Variants in LAMB1 observed in about 807,000 individuals in gnomAD.
LAMB1 encodes the protein laminin subunit beta-1.
LAMB1 carries 121 observed loss-of-function variants against 222.3 expected under a neutral mutation model. The observed-to-expected ratio is 0.54, with a 90% confidence interval of 0.47 to 0.63. The LOEUF (loss-of-function observed/expected upper bound fraction) is 0.63. Among genes scored for constraint, LAMB1 ranks in the 30% least tolerant of loss-of-function variants. The pLI, the probability that LAMB1 is intolerant of heterozygous loss-of-function variation, is 0.00. For synonymous variants in LAMB1, 794 were observed against 807.2 expected, an observed-to-expected ratio of 0.98 and a Z score of 0.28; for missense variants, 2,172 against 2,240.8, an observed-to-expected ratio of 0.97 and a Z score of 0.62.
At position 107,974,922 on chromosome 7, in the gene LAMB1, G is replaced by C. The variant is rs769948040; in HGVS notation, c.1482+64C>G. On this transcript the variant is annotated intron_variant, in intron 12 of 33. Transcript: ENST00000222399. Reference sequence around the variant, plus strand: ...TCGCAGACTCTACAATGGCGAAAAGGCTTCTCTATTAAAACATGTCATCCT... The same window carrying C: ...TCGCAGACTCTACAATGGCGAAAAGCCTTCTCTATTAAAACATGTCATCCT... The C allele has an allele frequency of 4.3e-6, 4 of 925,898 alleles. No individual in the cohort carries two copies. The East Asian group carries it at 9.6e-5, about 22-fold the overall frequency. 57.4% of individuals were successfully genotyped at this position (925,898 alleles called of 1,614,324 possible).
rs2033270517 is a variant in LAMB1 at position 107,952,171 on chromosome 7, G to T, written c.3132C>A (p.Asp1044Glu). The T allele has an allele frequency of 1.2e-6, 2 of 1,613,516 alleles. No individual in the cohort carries two copies. Among genetic ancestry groups the T allele is most frequent in the East Asian group, 2.2e-5 (1 of 44,872 alleles). ...GACCAGTGGCTTTGTCGCACTGGCA[G>T]TCAGAGCCGTTACAGTGCTCTTGCA... ...GTVQEHCNGSDCQCDKATGQC... is the reference protein window; with the variant it reads ...GTVQEHCNGSECQCDKATGQC... The change falls in exon 23 of 34, where the codon GAC becomes GAA. Residue 1044 changes from aspartate (D) to glutamate (E), a missense_variant. Coordinates refer to ENST00000222399, the MANE Select transcript of LAMB1 (RefSeq NM_002291.3).
Position 107,975,318 on chromosome 7 carries a change from T to G in LAMB1, c.1285A>C (p.Lys429Gln). 1 of 1,614,086 alleles carries G rather than the reference T, an allele frequency of 6.2e-7. No individual in the cohort carries two copies. The highest frequency in any genetic ancestry group is 1.1e-5 in the South Asian group (1 of 91,076). Reference sequence around the variant, plus strand: ...CAATGTTCTCCTTCCACATTTAATTTACACCGACACTGGCCAGCAATGAGA... The same window carrying G: ...CAATGTTCTCCTTCCACATTTAATTGACACCGACACTGGCCAGCAATGAGA... ...TGLIAGQCRC[K>Q]LNVEGEHCDV... is the part of the protein sequence containing the mutation. Residue 429 changes from lysine to glutamine, a missense_variant, in exon 11 of 34, where the codon AAA (lysine) becomes CAA (glutamine). Transcript: ENST00000222399.
intron 31 of LAMB1, among the ~76,000 whole-genome samples, chr7:107,927,589 A>G (rs917453109): frequency 3.9e-5 from 6 of 152,212 alleles, no homozygotes; most frequent in Admixed American, 6.5e-5. Flanking sequence ...AGTGGCTGGG[A>G]CTACAGGCAC....
chr7:107,961,173 T>C, intron 17 of LAMB1, 33 bp downstream of exon 17: 1 of 1,613,644 alleles, frequency 6.2e-7, no homozygotes, highest in Non-Finnish European at 8.5e-7. Context: ...GCCCAGGCTT[T>C]CCTGCATATG....
At position 107,978,068 on chromosome 7, in the gene LAMB1, G is replaced by T; in HGVS notation, c.979C>A (p.Arg327=). 1 of 1,614,036 alleles carries T rather than the reference G, an allele frequency of 6.2e-7. No homozygotes were observed. ...HDLPWRPAEG[R]NSNACKKCNC... is the part of the protein sequence containing the mutation. Reference sequence around the variant, plus strand: ...TTACTTTTACAGGCGTTGCTGTTTCGGCCTTCAGCAGGTCTCCAAGGTAAA... The same window carrying T: ...TTACTTTTACAGGCGTTGCTGTTTCTGCCTTCAGCAGGTCTCCAAGGTAAA... Residue 327 remains arginine (R), a synonymous_variant, in exon 9 of 34, where the codon CGA becomes AGA. Coordinates refer to ENST00000222399, the MANE Select transcript of LAMB1 (RefSeq NM_002291.3).
intron 4 of LAMB1, 114 bp downstream of exon 4, chr7:107,998,243 C>A (rs1371983105): frequency 1.0e-6 from 1 of 986,872 alleles, no homozygotes; most frequent in African/African-American, 1.6e-5. Flanking sequence ...CTGTCAGAGG[C>A]CATAATTACA....
chr7:107,978,851 C>T (rs950679506), intron 8 of LAMB1, among the ~76,000 whole-genome samples: 1 of 152,140 alleles, frequency 6.6e-6, no homozygotes, highest in African/African-American at 2.4e-5. Flanking sequence ...ACACTTACGA[C>T]CCTTGAGGCA....
Position 107,960,411 on chromosome 7 carries a change from A to G in LAMB1, c.2314+34T>C, listed in dbSNP as rs376713890. The G allele has an allele frequency of 2.0e-6, 3 of 1,534,364 alleles. No homozygotes were observed. In the African/African-American group the frequency reaches 4.1e-5, roughly 21 times the overall value. On this transcript the variant is annotated intron_variant, in intron 18 of 33. Coordinates refer to ENST00000222399, the MANE Select transcript of LAMB1 (RefSeq NM_002291.3). ...GTGCCAGATATACTCAGAGCCAGAA[A>G]CAGCAGCTGCTGCAGCTGCCCAGCA...
At position 107,975,343 on chromosome 7, in the gene LAMB1, A is replaced by T; in HGVS notation, c.1260T>A (p.Gly420=). Residue 420 remains glycine (G), a synonymous_variant, in exon 11 of 34, where the codon GGT becomes GGA. Coordinates refer to ENST00000222399, the MANE Select transcript of LAMB1 (RefSeq NM_002291.3). The stretch of plus-strand genomic sequence containing the variant: ...TACACCGACACTGGCCAGCAATGAG[A>T]CCAGTAGAAAAATCAGTATAGCTGT... The part of the protein sequence containing the change: ...ICDSYTDFST[G]LIAGQCRCKL... 1 of 1,613,864 alleles carries T rather than the reference A, an allele frequency of 6.2e-7. No individual in the cohort carries two copies. The highest frequency in any genetic ancestry group is 8.5e-7 in the Non-Finnish European group (1 of 1,179,784).
intron 21 of LAMB1, 55 bp downstream of exon 21, chr7:107,955,412 T>C (rs113120694): frequency 1.3e-6 from 2 of 1,486,210 alleles, no homozygotes; most frequent in Admixed American, 3.9e-5. Context: ...AACAATGAAC[T>C]CATAAAGACA....
intron 26 of LAMB1, 110 bp from the exon 27 acceptor site, chr7:107,935,766 A>T: frequency 8.4e-7 from 1 of 1,197,354 alleles, no homozygotes; most frequent in African/African-American, 1.5e-5. Context: ...GTAAAGTTTT[A>T]AAATTCAAGA....
chr7:107,990,740 G>C (rs2034166697), intron 5 of LAMB1, among the ~76,000 whole-genome samples: 1 of 152,156 alleles, frequency 6.6e-6, no homozygotes, highest in African/African-American at 2.4e-5. Context: ...GAAAACAGGG[G>C]CACCTCATCT....
At chr7:107,952,263 A>C in intron 22 of LAMB1, 40 bp from the exon 23 acceptor site, 1 of 1,468,726 alleles carries the variant, frequency 6.8e-7, no homozygotes, top group Non-Finnish European at 9.4e-7. Flanking sequence ...TCACACTCCC[A>C]AATACACAGG....
At position 107,962,946 on chromosome 7, in the gene LAMB1, A is replaced by G. The variant is rs1389272600; in HGVS notation, c.1816T>C (p.Tyr606His). The G allele has an allele frequency of 6.2e-7, 1 of 1,614,000 alleles. No individual in the cohort carries two copies. Among genetic ancestry groups the G allele is most frequent in the Non-Finnish European group, 8.5e-7 (1 of 1,179,988 alleles). Reference sequence around the variant, plus strand: ...ATTAGGATGTCGTACTCCATGGAATATGGTATGTTGTCAATGAAAAACTCC... The same window carrying G: ...ATTAGGATGTCGTACTCCATGGAATGTGGTATGTTGTCAATGAAAAACTCC... Reference protein sequence around the residue: ...YLEFFIDNIPYSMEYDILIRY... With the variant: ...YLEFFIDNIPHSMEYDILIRY... The change falls in exon 15 of 34, where the codon TAT (tyrosine) becomes CAT (histidine). Residue 606 changes from tyrosine (Y) to histidine (H), a missense_variant. Tyr to His is a moderately conservative substitution (Grantham distance 83). Coordinates refer to ENST00000222399, the MANE Select transcript of LAMB1 (RefSeq NM_002291.3).
intron 5 of LAMB1, among the ~76,000 whole-genome samples, chr7:107,992,754 G>C (rs1041026442): frequency 3.3e-5 from 5 of 152,124 alleles, no homozygotes; most frequent in Non-Finnish European, 7.4e-5. Context: ...AATTAGCCAG[G>C]TGTGGTGGCA....
Position 107,961,302 on chromosome 7 carries a change from G to A in LAMB1, c.2013C>T (p.Cys671=). 6.2e-6 allele frequency: 10 copies of A among 1,614,040 alleles called. No individual in the cohort carries two copies. Among genetic ancestry groups the A allele is most frequent in the Non-Finnish European group, 8.5e-6 (10 of 1,180,008 alleles). The stretch of plus-strand genomic sequence containing the variant: ...CCGTGTAGTTTGTTCCCTTCTCAAA[G>A]CACACCGGCCGAGGAAGGACGACAT... ...SRYVVLPRPV[C]FEKGTNYTVR... Residue 671 remains cysteine, a synonymous_variant, in exon 17 of 34, where the codon TGC becomes TGT. Transcript: ENST00000222399.
At chr7:107,991,461 C>A (rs377068878) in intron 5 of LAMB1, among the ~76,000 whole-genome samples, 1 of 151,860 alleles carries the variant, frequency 6.6e-6, no homozygotes, top group Non-Finnish European at 1.5e-5. Flanking sequence ...GTGGTACATG[C>A]GTGTAATCCC....
rs2034383964 is a variant in LAMB1, at chr7:108,001,559, TGCAAGTGGCTGACGATACA to T, written c.193_211del (p.Cys65ArgfsTer19). 1 of 1,595,400 alleles carries T rather than the reference TGCAAGTGGCTGACGATACA, an allele frequency of 6.3e-7. No individual in the cohort carries two copies. The highest frequency in any genetic ancestry group is 8.6e-7 in the Non-Finnish European group (1 of 1,166,970). ...TCGAACCCCGCTCTCAGCCCTCACC[TGCAAGTGGCTGACGATACA>T]GTAGGGTTCGGGCTTGTGCAGCCCG... is the stretch of plus-strand genomic sequence containing the variant. On this transcript the variant is annotated frameshift_variant and splice_region_variant, in exon 3 of 34. Transcript: ENST00000222399. LOFTEE classifies it high-confidence loss of function.
At chr7:107,930,171 AAGC>A (rs1483449977) in intron 29 of LAMB1, among the ~76,000 whole-genome samples, 1 of 152,196 alleles carries the variant, frequency 6.6e-6, no homozygotes, top group East Asian at 1.9e-4. Context: ...AAAATTATAG[AAGC>A]AGGAGAACCG....
Sources: gnomAD v4.1 joint callset for allele counts (sites outside exome capture counted in the v4.1 genomes callset) on GRCh38, gnomAD v4.1.1 for gene constraint, MANE v1.5 for transcripts, NCBI Gene and HGNC (gene_info 2026-07-23, HGNC 2026-07-21) for gene names.